DGKB: variants seen among roughly 807,000 people sequenced by gnomAD.
The protein encoded by DGKB is 90 kDa diacylglycerol kinase.
Under a neutral mutation model 114.3 loss-of-function variants are expected in DGKB, and 67 were observed. That is an observed-to-expected ratio of 0.59 (90% confidence interval 0.48 to 0.72). DGKB has a LOEUF of 0.72. Ranked by LOEUF, DGKB falls within the 30% of genes least tolerant of loss-of-function variation. DGKB has a pLI of 0.00. For missense variants in DGKB, 907 were observed against 975.2 expected, an observed-to-expected ratio of 0.93 and a Z score of 0.93; for synonymous variants, 398 against 323.1, an observed-to-expected ratio of 1.23 and a Z score of -2.49.
intron 3 of DGKB, 80 bp from the exon 4 acceptor site, chr7:14,754,028 A>G: frequency 9.8e-7 from 1 of 1,020,286 alleles, no homozygotes. Context: ...CTGATTATTT[A>G]GCTAAAAGTT....
chr7:14,568,774 A>C (rs2128696624), intron 20 of DGKB, among the ~76,000 whole-genome samples: 1 of 152,338 alleles, frequency 6.6e-6, no homozygotes, highest in African/African-American at 2.4e-5. Flanking sequence ...GGGCTTTCTA[A>C]AAATTGGAGG....
At chr7:14,835,462 T>C (rs77200952) in intron 2 of DGKB, among the ~76,000 whole-genome samples, 1,641 of 152,338 alleles carry the variant, frequency 0.011, 17 homozygotes, top group Non-Finnish European at 0.018. Flanking sequence ...CATCAAATTA[T>C]GTGTTCTCAG....
chr7:14,661,730 A>G (rs1258229174), intron 13 of DGKB, among the ~76,000 whole-genome samples: 1 of 151,560 alleles, frequency 6.6e-6, no homozygotes, highest in Non-Finnish European at 1.5e-5. Flanking sequence ...ACTATAAATC[A>G]TGCTGCTATA....
intron 23 of DGKB, among the ~76,000 whole-genome samples, chr7:14,255,073 T>C (rs1795768069): frequency 2.0e-5 from 3 of 152,130 alleles, no homozygotes; most frequent in South Asian, 4.1e-4. Flanking sequence ...TAATAAGTTA[T>C]GAAAAAAAGA....
chr7:14,380,392 T>G (rs547742487), intron 21 of DGKB, among the ~76,000 whole-genome samples: 71 of 152,260 alleles, frequency 4.7e-4, no homozygotes, highest in African/African-American at 1.6e-3. Context: ...AATAAAATTC[T>G]TCTCAATGTA....
At chr7:14,505,903 C>T (rs368970339) in intron 20 of DGKB, among the ~76,000 whole-genome samples, 33 of 152,246 alleles carry the variant, frequency 2.2e-4, no homozygotes, top group African/African-American at 7.9e-4. Context: ...CAACATTCTT[C>T]CATTGTCAGT....
intron 1 of DGKB, among the ~76,000 whole-genome samples, chr7:14,941,866 T>G (rs1018013841): frequency 5.3e-5 from 8 of 152,152 alleles, no homozygotes; most frequent in African/African-American, 1.9e-4. Flanking sequence ...AGGTATAATT[T>G]CAAAAAATAT....
intron 23 of DGKB, among the ~76,000 whole-genome samples, chr7:14,271,785 T>G (rs1265706313): frequency 6.6e-6 from 1 of 152,162 alleles, no homozygotes; most frequent in East Asian, 1.9e-4. Context: ...ATAAATTGGT[T>G]TTACCAGTAT....
chr7:14,403,492 T>C (rs1823453717), intron 21 of DGKB, among the ~76,000 whole-genome samples: 1 of 145,182 alleles, frequency 6.9e-6, no homozygotes. Flanking sequence ...TCCTATGATA[T>C]ATGTTTTCTT....
At chr7:14,283,663 G>C (rs536146786) in intron 23 of DGKB, among the ~76,000 whole-genome samples, 1 of 151,360 alleles carries the variant, frequency 6.6e-6, no homozygotes, top group Admixed American at 6.6e-5. Flanking sequence ...TACCAAAACA[G>C]AGATATAGAT....
At chr7:14,861,647 G>T (rs1263002799) in intron 1 of DGKB, among the ~76,000 whole-genome samples, 1 of 151,874 alleles carries the variant, frequency 6.6e-6, no homozygotes, top group African/African-American at 2.4e-5. Flanking sequence ...ATGTTTTTAT[G>T]ATTATCTATA....
intron 23 of DGKB, among the ~76,000 whole-genome samples, chr7:14,230,332 TA>T (rs1003734614): frequency 6.6e-6 from 1 of 151,978 alleles, no homozygotes; most frequent in African/African-American, 2.4e-5. Flanking sequence ...GATGTCAAAA[TA>T]ATACTTAGCA....
intron 5 of DGKB, among the ~76,000 whole-genome samples, chr7:14,720,639 G>A (rs960319361): frequency 4.0e-5 from 6 of 151,828 alleles, no homozygotes; most frequent in African/African-American, 1.2e-4. Flanking sequence ...CACCATGCCC[G>A]GCCCCTTTCT....
intron 1 of DGKB, among the ~76,000 whole-genome samples, chr7:14,843,045 A>C (rs1052578289): frequency 4.2e-4 from 64 of 151,732 alleles, no homozygotes; most frequent in African/African-American, 1.3e-3. Flanking sequence ...CCATCTCTAC[A>C]AAAAAAACAT....
chr7:14,189,852 G>T (rs1170882623), intron 23 of DGKB, among the ~76,000 whole-genome samples: 1 of 152,036 alleles, frequency 6.6e-6, no homozygotes, highest in East Asian at 1.9e-4. Flanking sequence ...TCAACAAGAG[G>T]ATATAACAAT....
chr7:14,451,884 A>G (rs1831571463), intron 21 of DGKB, among the ~76,000 whole-genome samples: 1 of 151,618 alleles, frequency 6.6e-6, no homozygotes. Context: ...GATCAATTAA[A>G]GAAATTAATG....
At chr7:14,880,405 C>T (rs185070660) in intron 1 of DGKB, among the ~76,000 whole-genome samples, 65 of 152,204 alleles carry the variant, frequency 4.3e-4, no homozygotes, top group Non-Finnish European at 7.4e-4. Context: ...TTGCTCTGAG[C>T]CAAGACCGTG....
intron 5 of DGKB, among the ~76,000 whole-genome samples, chr7:14,735,040 C>T (rs1586091252): frequency 6.6e-6 from 1 of 152,100 alleles, no homozygotes; most frequent in South Asian, 2.1e-4. Flanking sequence ...AGCCCGGTGG[C>T]GGTAGCATGT....
chr7:14,771,742 A>G (rs930594590), intron 2 of DGKB, among the ~76,000 whole-genome samples: 5 of 152,158 alleles, frequency 3.3e-5, no homozygotes, highest in Admixed American at 6.5e-5. Flanking sequence ...AATGCCCTGC[A>G]AAGTCTCTTT....
Sources: gnomAD v4.1 joint callset for allele counts (sites outside exome capture counted in the v4.1 genomes callset) on GRCh38, gnomAD v4.1.1 for gene constraint, MANE v1.5 for transcripts, NCBI Gene and HGNC (gene_info 2026-07-23, HGNC 2026-07-21) for gene names.